Variants in ZMYM4 observed in about 807,000 individuals in gnomAD.
ZMYM4 encodes the protein zinc finger MYM-type containing 4, also known as zinc finger MYM-type protein 4.
In ZMYM4, 31 loss-of-function variants were observed where a neutral mutation model predicts 183.2. That is an observed-to-expected ratio of 0.17 (90% confidence interval 0.13 to 0.23). The LOEUF (loss-of-function observed/expected upper bound fraction) is 0.23. ZMYM4 is among the 10% of genes least tolerant of loss of function. The pLI is 1.00. For missense variants in ZMYM4, 1,273 were observed against 1,840.3 expected (o/e 0.69, Z 5.64); for synonymous variants, 592 against 631.2 (o/e 0.94, Z 0.93).
At chr1:35,279,128 C>T (rs1201168407) in intron 1 of ZMYM4, among the ~76,000 whole-genome samples, 1 of 152,206 alleles carries the variant, frequency 6.6e-6, no homozygotes, top group Admixed American at 6.5e-5. Context: ...CTACCCCCAA[C>T]CCCCACTATG....
chr1:35,341,200 C>G (rs1165801067), intron 2 of ZMYM4, among the ~76,000 whole-genome samples: 1 of 152,032 alleles, frequency 6.6e-6, no homozygotes, highest in Admixed American at 6.5e-5. Flanking sequence ...GGTCAAGCCA[C>G]TGTCTCAGTT....
chr1:35,417,496 G>A (rs1387877423), intron 28 of ZMYM4, among the ~76,000 whole-genome samples: 1 of 152,096 alleles, frequency 6.6e-6, no homozygotes, highest in Non-Finnish European at 1.5e-5. Flanking sequence ...AAATAAACTT[G>A]AGCAGATGCC....
intron 1 of ZMYM4, among the ~76,000 whole-genome samples, chr1:35,305,645 G>A (rs1641502753): frequency 6.6e-6 from 1 of 151,960 alleles, no homozygotes; most frequent in Non-Finnish European, 1.5e-5. Flanking sequence ...CTGGGCTCCA[G>A]CAGTCCTCCC....
intron 7 of ZMYM4, among the ~76,000 whole-genome samples, chr1:35,376,830 G>C (rs569944766): frequency 6.7e-6 from 1 of 150,308 alleles, no homozygotes; most frequent in South Asian, 2.1e-4. Context: ...CCGGCCTATA[G>C]TATTTTAAGA....
At chr1:35,357,594 A>G (rs984385373) in intron 2 of ZMYM4, among the ~76,000 whole-genome samples, 2 of 152,200 alleles carry the variant, frequency 1.3e-5, no homozygotes, top group Non-Finnish European at 2.9e-5. Context: ...TGAGAGAGAT[A>G]AGTAATAAAG....
chr1:35,329,073 A>C (rs1188065937), intron 2 of ZMYM4, among the ~76,000 whole-genome samples: 2 of 152,210 alleles, frequency 1.3e-5, no homozygotes. Context: ...TGTCAGCAAA[A>C]TATAGTATTT....
intron 7 of ZMYM4, among the ~76,000 whole-genome samples, chr1:35,378,251 C>T (rs1460676952): frequency 6.6e-6 from 1 of 152,198 alleles, no homozygotes; most frequent in African/African-American, 2.4e-5. Flanking sequence ...AAGTTACCTA[C>T]TTCCAAGCTC....
chr1:35,285,028 CT>C (rs1336565111), intron 1 of ZMYM4, among the ~76,000 whole-genome samples: 1 of 152,034 alleles, frequency 6.6e-6, no homozygotes, highest in Non-Finnish European at 1.5e-5. Flanking sequence ...CAGTTCTGTT[CT>C]ATTTGTCTAT....
chr1:35,388,581 AC>A, intron 13 of ZMYM4, among the ~76,000 whole-genome samples: 1 of 152,030 alleles, frequency 6.6e-6, no homozygotes, highest in South Asian at 2.1e-4. Context: ...ATCATTTAAA[AC>A]AAAAACAAAA....
intron 23 of ZMYM4, among the ~76,000 whole-genome samples, chr1:35,402,722 AAT>A (rs1197510240): frequency 2.6e-5 from 4 of 152,226 alleles, no homozygotes; most frequent in Non-Finnish European, 5.9e-5. Context: ...AAAAAAAAGA[AAT>A]ATAGGTAATT....
intron 2 of ZMYM4, among the ~76,000 whole-genome samples, chr1:35,331,320 T>C (rs1404753163): frequency 6.6e-6 from 1 of 152,224 alleles, no homozygotes; most frequent in Non-Finnish European, 1.5e-5. Flanking sequence ...TTTTTAGTTC[T>C]CCTTAAATAA....
chr1:35,378,852 A>G (rs1570477297), intron 7 of ZMYM4, among the ~76,000 whole-genome samples: 1 of 152,318 alleles, frequency 6.6e-6, no homozygotes, highest in African/African-American at 2.4e-5. Context: ...CTGCTTCTCC[A>G]TCAGCACTTG....
intron 1 of ZMYM4, among the ~76,000 whole-genome samples, chr1:35,306,468 G>GT (rs1364824428): frequency 6.6e-6 from 1 of 152,144 alleles, no homozygotes; most frequent in Non-Finnish European, 1.5e-5. Flanking sequence ...TATTCAGCCT[G>GT]TGGGAGCCCC....
At chr1:35,399,422 GTCTT>G in intron 22 of ZMYM4, 56 bp from the exon 23 acceptor site, 2 of 1,451,854 alleles carry the variant, frequency 1.4e-6, no homozygotes, top group Non-Finnish European at 1.9e-6. Context: ...ACTAGTCTAA[GTCTT>G]TATTTAAATT....
intron 1 of ZMYM4, among the ~76,000 whole-genome samples, chr1:35,308,784 G>C (rs764777018): frequency 6.6e-6 from 1 of 152,038 alleles, no homozygotes; most frequent in Non-Finnish European, 1.5e-5. Context: ...TTGCTTGAAC[G>C]TGGGGGGTGG....
chr1:35,308,572 A>T (rs1428343038), intron 1 of ZMYM4, among the ~76,000 whole-genome samples: 1 of 152,146 alleles, frequency 6.6e-6, no homozygotes, highest in African/African-American at 2.4e-5. Context: ...TTAAGAGTGG[A>T]TGATAAGACG....
intron 1 of ZMYM4, among the ~76,000 whole-genome samples, chr1:35,270,071 G>C (rs1241439253): frequency 6.6e-6 from 1 of 152,224 alleles, no homozygotes; most frequent in Non-Finnish European, 1.5e-5. Context: ...TGCTACAGCT[G>C]ATGTTTTGAG....
intron 2 of ZMYM4, among the ~76,000 whole-genome samples, chr1:35,337,878 G>C (rs1020192262): frequency 2.6e-5 from 4 of 152,138 alleles, no homozygotes; most frequent in African/African-American, 9.7e-5. Context: ...GGTGGAGGTT[G>C]CAGTGAGCCA....
chr1:35,368,603 A>AT (rs536191590), intron 5 of ZMYM4, among the ~76,000 whole-genome samples: 2 of 152,282 alleles, frequency 1.3e-5, no homozygotes, highest in South Asian at 4.1e-4. Flanking sequence ...AATTAAGAAC[A>AT]TTTTTTGGGG....
Sources: allele counts gnomAD v4.1 joint callset (sites outside exome capture counted in the v4.1 genomes callset), GRCh38; gene constraint gnomAD v4.1.1; transcripts MANE v1.5; gene names NCBI Gene and HGNC (gene_info 2026-07-23, HGNC 2026-07-21).